C19orf67: variants seen among roughly 807,000 people sequenced by gnomAD.
The protein encoded by C19orf67 is chromosome 19 open reading frame 67.
In C19orf67, 28 loss-of-function variants were observed where a neutral mutation model predicts 41.4. The observed-to-expected ratio is 0.68, with a 90% CI of 0.50 to 0.93. C19orf67 has a LOEUF of 0.93. C19orf67 is among the 40% of genes least tolerant of loss of function. The pLI is 0.00. For missense variants in C19orf67, 421 were observed against 467.0 expected, an observed-to-expected ratio of 0.90 and a Z score of 0.91; for synonymous variants, 242 against 203.4, an observed-to-expected ratio of 1.19 and a Z score of -1.62.
In C19orf67 at chr19:14,081,719, T is replaced by C; in HGVS notation, c.*115A>G. On this transcript the variant is annotated 3_prime_UTR_variant, in exon 6 of 6. Coordinates refer to ENST00000548523, the MANE Select transcript of C19orf67 (RefSeq NM_001277378.2). ...TCGGTGCAGACAGGTCAGCTCGGCC[T>C]GGCCCTTTGGAAGGCGAGGCCGGGC... is the stretch of plus-strand genomic sequence containing the variant. 1.1e-6 allele frequency: 1 copy of C among 934,748 alleles called. No homozygotes were observed. The highest frequency in any genetic ancestry group is 1.5e-6 in the Non-Finnish European group (1 of 664,298). The allele number at this position is 934,748 out of a possible 1,614,324, so 57.9% of individuals were successfully genotyped here.
At position 14,085,384 on chromosome 19, in the gene C19orf67, G is replaced by A; in HGVS notation, c.244C>T (p.Leu82=). The change falls in exon 1 of 6, where the codon CTA becomes TTA. Residue 82 remains leucine (L), a synonymous_variant. Transcript: ENST00000548523. ...GGGCTGAACAAAGTGTCCAGGGATA[G>A]GCGGGGAGGTGCTGGCCCAGGCCGG... The part of the protein sequence containing the change: ...VPRPGPAPPR[L]SLDTLFSPIT... 1 of 1,536,202 alleles carries A rather than the reference G, an allele frequency of 6.5e-7. No homozygotes were observed. The highest frequency in any genetic ancestry group is 8.7e-7 in the Non-Finnish European group (1 of 1,146,920).
At chr19:14,084,739 G>A (rs765479349) in intron 1 of C19orf67, among the ~76,000 whole-genome samples, 2 of 150,178 alleles carry the variant, frequency 1.3e-5, no homozygotes, top group Admixed American at 6.6e-5. Flanking sequence ...TCGGGAGGCT[G>A]AGGCAGAGAA....
rs760921196 is a variant in C19orf67 at position 14,082,015 on chromosome 19, TG to T, written c.903-8del. 45 of 1,088,920 alleles carry T rather than the reference TG, an allele frequency of 4.1e-5. 1 individual carries two copies. The highest frequency in any genetic ancestry group is 2.0e-4 in the South Asian group (14 of 71,564). The allele number at this position is 1,088,920 out of a possible 1,614,324, so 67.5% of individuals were successfully genotyped here. A position where few individuals can be genotyped will look rare whatever the true frequency, so the allele number is the denominator to read the frequency against. ...CGGCTGCGGGCACAAAATCCTGGGGTGGGGGGGCCAGGGATAGACAGGCCTG... is the reference window on the plus strand; with the variant it reads ...CGGCTGCGGGCACAAAATCCTGGGGTGGGGGGCCAGGGATAGACAGGCCTG... On this transcript the variant is annotated splice_polypyrimidine_tract_variant and splice_region_variant and intron_variant, in intron 5 of 5. Coordinates refer to ENST00000548523, the MANE Select transcript of C19orf67 (RefSeq NM_001277378.2).
Position 14,081,782 on chromosome 19 carries a change from T to G in C19orf67, c.*52A>C. On this transcript the variant is annotated 3_prime_UTR_variant, in exon 6 of 6. Transcript: ENST00000548523. ...ACGAGTGAGCCCCTCCCCTGCCCCC[T>G]ATTCTGGAGTTTGGAACTGTCAAGT... is the stretch of plus-strand genomic sequence containing the variant. 6 of 1,303,882 alleles carry G rather than the reference T, an allele frequency of 4.6e-6. No individual in the cohort carries two copies. The highest frequency in any genetic ancestry group is 1.5e-5 in the African/African-American group (1 of 65,574). The allele number at this position is 1,303,882 out of a possible 1,614,324, so 80.8% of individuals were successfully genotyped here.
rs117683175 is a variant in C19orf67, at chr19:14,082,922, C to T, written c.767+315G>A. Among the ~76,000 whole-genome samples the T allele has an allele frequency of 1.0e-3, 159 of 151,964 alleles. 3 individuals are homozygous for T. In the East Asian group the frequency reaches 0.029, roughly 27 times the overall value. ...GTGCAGTGGCACAATCACAGCTCAC[C>T]GTAGCCTTGATTCCTGGGCTCAAGT... is the stretch of plus-strand genomic sequence containing the variant. On this transcript the variant is annotated intron_variant, in intron 4 of 5. Coordinates refer to ENST00000548523, the MANE Select transcript of C19orf67 (RefSeq NM_001277378.2).
In C19orf67 at chr19:14,085,587, T is replaced by C. The variant is rs1262534342; in HGVS notation, c.41A>G (p.Asp14Gly). 1.3e-6 allele frequency: 2 copies of C among 1,534,940 alleles called. No homozygotes were observed. Among genetic ancestry groups the C allele is most frequent in the Admixed American group, 3.9e-5 (2 of 50,976 alleles). Residue 14 changes from aspartate (D) to glycine (G), a missense_variant, in exon 1 of 6, where the codon GAC becomes GGC. Physicochemically the swap from Asp to Gly is moderately conservative, Grantham distance 94. Around this residue, in one of 3 missense-constraint regions of C19orf67, gnomAD observed 160 missense variants for 139.2 expected, o/e 1.15. Coordinates refer to ENST00000548523, the MANE Select transcript of C19orf67 (RefSeq NM_001277378.2). ...EQWFEGSLPLDPGETPPPDAL... is the reference protein window; with the variant it reads ...EQWFEGSLPLGPGETPPPDAL... ...GTCTGGAGGCGGTGTTTCTCCAGGG[T>C]CCAGGGGGAGCGACCCCTCGAACCA...
Position 14,083,123 on chromosome 19 carries a change from G to A in C19orf67, c.767+114C>T, listed in dbSNP as rs942577052. 1.0e-5 allele frequency: 9 copies of A among 894,750 alleles called. No individual in the cohort carries two copies. In the African/African-American group the frequency reaches 1.2e-4, roughly 12 times the overall value. 55.4% of individuals were successfully genotyped at this position (894,750 alleles called of 1,614,324 possible). A position where few individuals can be genotyped will look rare whatever the true frequency, so the allele number is the denominator to read the frequency against. On this transcript the variant is annotated intron_variant, in intron 4 of 5. Coordinates refer to ENST00000548523, the MANE Select transcript of C19orf67 (RefSeq NM_001277378.2). ...CCCAAAGTGTTGGGATTACAGGCGT[G>A]AGCCACTGCCTCGGGCCCTGGCTCA...
rs1236149267 is a variant in C19orf67, at chr19:14,085,443, C to CG, written c.184dup (p.Arg62ProfsTer43). On this transcript the variant is annotated frameshift_variant, in exon 1 of 6. Coordinates refer to ENST00000548523, the MANE Select transcript of C19orf67 (RefSeq NM_001277378.2). LOFTEE classifies it high-confidence loss of function. ...AGGTTTGGGGGAAGACGTGGAGGCCCGGGCCTCAGCCAGCCGCCCCTCGGC... is the reference window on the plus strand; with the variant it reads ...AGGTTTGGGGGAAGACGTGGAGGCCCGGGGCCTCAGCCAGCCGCCCCTCGGC... The CG allele has an allele frequency of 6.5e-6, 10 of 1,535,596 alleles. No homozygotes were observed. The highest frequency in any genetic ancestry group is 8.7e-6 in the Non-Finnish European group (10 of 1,146,744).
At chr19:14,083,171 T>G in intron 4 of C19orf67, 66 bp downstream of exon 4, 39 of 1,358,242 alleles carry the variant, frequency 2.9e-5, no homozygotes, top group East Asian at 5.2e-5. Flanking sequence ...CTGGTGACGG[T>G]TTGGAGGGTC....
Position 14,085,635 on chromosome 19 carries a change from C to T in C19orf67, c.-8G>A. On this transcript the variant is annotated 5_prime_UTR_variant, in exon 1 of 6. Transcript: ENST00000548523. The stretch of plus-strand genomic sequence containing the variant: ...CCACTGCTCTGTAGCCATGGTAGGG[C>T]CGGGGGGCGGGAACCTGAGCTCTTT... The T allele has an allele frequency of 2.0e-6, 3 of 1,520,432 alleles. No homozygotes were observed. Among genetic ancestry groups the T allele is most frequent in the Non-Finnish European group, 2.6e-6 (3 of 1,134,358 alleles). 94.2% of individuals were successfully genotyped at this position (1,520,432 alleles called of 1,614,324 possible). A position where few individuals can be genotyped will look rare whatever the true frequency, so the allele number is the denominator to read the frequency against.
Position 14,083,760 on chromosome 19 carries a change from T to G in C19orf67, c.453A>C (p.Gly151=). The G allele has an allele frequency of 2.1e-6, 3 of 1,436,158 alleles. 1 individual carries two copies. The highest frequency in any genetic ancestry group is 1.8e-6 in the Non-Finnish European group (2 of 1,096,574). 89.0% of individuals were successfully genotyped at this position (1,436,158 alleles called of 1,614,324 possible). The change falls in exon 2 of 6, where the codon GGA becomes GGC. Residue 151 remains glycine (G), a synonymous_variant. Coordinates refer to ENST00000548523, the MANE Select transcript of C19orf67 (RefSeq NM_001277378.2). ...AAARSIPPIY[G]PLQELVRKGL... is the part of the protein sequence containing the mutation. ...CCTTTCGGACCAGCTCCTGCAGGGG[T>G]CCATAGATGGGGGGTATGCTTCTCG... is the stretch of plus-strand genomic sequence containing the variant.
chr19:14,083,476 C>A (rs763034982), intron 3 of C19orf67, 29 bp downstream of exon 3: 3 of 1,532,192 alleles, frequency 2.0e-6, no homozygotes, highest in Non-Finnish European at 2.6e-6. Context: ...ACTCCTTCAT[C>A]CCCCCATCTG....
intron 5 of C19orf67, 109 bp from the exon 6 acceptor site, chr19:14,082,117 C>T (rs1242510586): frequency 9.7e-7 from 1 of 1,028,908 alleles, no homozygotes; most frequent in Non-Finnish European, 1.4e-6. Context: ...TTTGTTTCAG[C>T]TGCGGGTGGG....
At position 14,085,588 on chromosome 19, in the gene C19orf67, C is replaced by G. The variant is rs2145727077; in HGVS notation, c.40G>C (p.Asp14His). Residue 14 changes from aspartate (D) to histidine (H), a missense_variant, in exon 1 of 6, where the codon GAC becomes CAC. This residue lies in a region of C19orf67 where 160 missense variants were observed against 139.2 expected (regional missense o/e 1.15). Transcript: ENST00000548523. ...TCTGGAGGCGGTGTTTCTCCAGGGTCCAGGGGGAGCGACCCCTCGAACCAC... is the reference window on the plus strand; with the variant it reads ...TCTGGAGGCGGTGTTTCTCCAGGGTGCAGGGGGAGCGACCCCTCGAACCAC... Reference protein sequence around the residue: ...EQWFEGSLPLDPGETPPPDAL... With the variant: ...EQWFEGSLPLHPGETPPPDAL... 6.5e-7 allele frequency: 1 copy of G among 1,535,196 alleles called. No homozygotes were observed. The highest frequency in any genetic ancestry group is 1.4e-5 in the African/African-American group (1 of 73,136).
Position 14,081,719 on chromosome 19 carries a change from TG to T in C19orf67, c.*114del. 3 of 934,748 alleles carry T rather than the reference TG, an allele frequency of 3.2e-6. No individual in the cohort carries two copies. Among genetic ancestry groups the T allele is most frequent in the Non-Finnish European group, 4.5e-6 (3 of 664,298 alleles). 57.9% of individuals were successfully genotyped at this position (934,748 alleles called of 1,614,324 possible). A position where few individuals can be genotyped will look rare whatever the true frequency, so the allele number is the denominator to read the frequency against. On this transcript the variant is annotated 3_prime_UTR_variant, in exon 6 of 6. Transcript: ENST00000548523. ...TCGGTGCAGACAGGTCAGCTCGGCC[TG>T]GCCCTTTGGAAGGCGAGGCCGGGCT...
At position 14,081,975 on chromosome 19, in the gene C19orf67, C is replaced by T; in HGVS notation, c.936G>A (p.Gln312=). 6.6e-7 allele frequency: 1 copy of T among 1,525,892 alleles called. No homozygotes were observed. The highest frequency in any genetic ancestry group is 1.4e-5 in the African/African-American group (1 of 72,524). 94.5% of individuals were successfully genotyped at this position (1,525,892 alleles called of 1,614,324 possible). The change falls in exon 6 of 6, where the codon CAG becomes CAA. Residue 312 remains glutamine, a synonymous_variant. Coordinates refer to ENST00000548523, the MANE Select transcript of C19orf67 (RefSeq NM_001277378.2). ...CCTCGAAGCCGATGGTCAGCAGCTG[C>T]TGGTAGTCCCCAAGCGGCTGCGGGC... ...ILCPQPLGDY[Q]QLLTIGFEEP...
Position 14,083,246 on chromosome 19 carries a change from A to G in C19orf67, c.758T>C (p.Leu253Pro), listed in dbSNP as rs1976795874. The G allele has an allele frequency of 1.3e-6, 2 of 1,535,900 alleles. No homozygotes were observed. The highest frequency in any genetic ancestry group is 2.7e-5 in the African/African-American group (2 of 73,004). ...GGGTAAGAGGACTTACTAATCCACA[A>G]GGGAATCTTGTCCCCGACCAGGGGC... The part of the protein sequence containing the change: ...PEAPGRGQDS[L>P]VDYYFLCYRD... The change falls in exon 4 of 6, where the codon CTT becomes CCT. Residue 253 changes from leucine (L) to proline (P), a missense_variant. This residue lies in a region of C19orf67 where 253 missense variants were observed against 307.0 expected (regional missense o/e 0.82). Transcript: ENST00000548523.
chr19:14,084,396 A>G (rs532694344), intron 1 of C19orf67, among the ~76,000 whole-genome samples: 4 of 151,972 alleles, frequency 2.6e-5, no homozygotes, highest in African/African-American at 9.7e-5. Context: ...TCTCATTAAA[A>G]AAAAAAAAAC....
chr19:14,085,290 C>T lies in C19orf67; in HGVS notation c.335+3G>A. On this transcript the variant is annotated splice_donor_region_variant and intron_variant, in intron 1 of 5. Coordinates refer to ENST00000548523, the MANE Select transcript of C19orf67 (RefSeq NM_001277378.2). ...GGGGACCTGGGACCCTGTCCAGCAT[C>T]ACCTGTAGAGCAAGTAGCTCTGGAA... 1 of 1,535,964 alleles carries T rather than the reference C, an allele frequency of 6.5e-7. No individual in the cohort carries two copies. Among genetic ancestry groups the T allele is most frequent in the Non-Finnish European group, 8.7e-7 (1 of 1,146,710 alleles).
Sources: gnomAD v4.1 joint callset for allele counts (sites outside exome capture counted in the v4.1 genomes callset) on GRCh38, gnomAD v4.1.1 for gene constraint, gnomAD v4.1.1 regional missense constraint, MANE v1.5 for transcripts, NCBI Gene and HGNC (gene_info 2026-07-23, HGNC 2026-07-21) for gene names.